NFYA: variants seen among roughly 807,000 people sequenced by gnomAD.
The protein encoded by NFYA is nuclear transcription factor Y subunit alpha, also known as CAAT-box DNA binding protein subunit A.
In NFYA, 28 loss-of-function variants were observed where a neutral mutation model predicts 52.8. The ratio of observed to expected loss-of-function variants is 0.53; its 90% CI spans 0.39 to 0.73. The LOEUF (loss-of-function observed/expected upper bound fraction) is 0.73. NFYA is among the 30% of genes least tolerant of loss of function. The pLI is 0.00. For synonymous variants in NFYA, 150 were observed against 150.7 expected (o/e 1.00, Z 0.03); for missense variants, 234 against 427.0 (o/e 0.55, Z 3.98).
At chr6:41,086,890 GA>G (rs1220826164) in intron 4 of NFYA, among the ~76,000 whole-genome samples, 1 of 152,062 alleles carries the variant, frequency 6.6e-6, no homozygotes, top group African/African-American at 2.4e-5. Context: ...TCTAAATGTA[GA>G]AAAGTAAACT....
At position 41,100,834 on chromosome 6, in the gene NFYA, C is replaced by A. The variant is rs532502894; in HGVS notation, c.*3424C>A. ...CAGACCGCCGCACCTCCAGCCCCTT[C>A]TCCCCGGGGAAGTAGGCCCCGCTAA... On this transcript the variant is annotated 3_prime_UTR_variant, in exon 10 of 10. Transcript: ENST00000341376. Among the ~76,000 whole-genome samples, 22 of 152,368 alleles carry A rather than the reference C, an allele frequency of 1.4e-4. No homozygotes were observed. The highest frequency in any genetic ancestry group is 4.3e-4 in the African/African-American group (18 of 41,596).
intron 1 of NFYA, among the ~76,000 whole-genome samples, chr6:41,073,731 C>T (rs975946521): frequency 6.6e-6 from 1 of 152,150 alleles, no homozygotes. Flanking sequence ...CCCCCGCTGT[C>T]TCCCTGGTGG....
intron 6 of NFYA, among the ~76,000 whole-genome samples, 159 bp downstream of exon 6, chr6:41,090,468 C>T (rs1172699404): frequency 1.3e-5 from 2 of 151,662 alleles, no homozygotes; most frequent in South Asian, 2.1e-4. Context: ...TTGTTGGTTT[C>T]TTGTCACCAT....
chr6:41,085,196 G>A (rs1312737686), intron 4 of NFYA, among the ~76,000 whole-genome samples: 2 of 152,206 alleles, frequency 1.3e-5, no homozygotes, highest in African/African-American at 4.8e-5. Context: ...GAATATTTGA[G>A]CTAGCAGTCC....
intron 7 of NFYA, 145 bp downstream of exon 7, chr6:41,091,839 T>A: frequency 1.1e-6 from 1 of 887,242 alleles, no homozygotes; most frequent in Non-Finnish European, 1.7e-6. Flanking sequence ...AATAACATTA[T>A]GACAAACCAT....
chr6:41,088,454 A>G (rs1253364579), intron 4 of NFYA, among the ~76,000 whole-genome samples: 1 of 148,954 alleles, frequency 6.7e-6, no homozygotes, highest in Non-Finnish European at 1.5e-5. Flanking sequence ...AATTTATTTT[A>G]TAGTTTCTGT....
rs374600583 is a variant in NFYA at position 41,090,186 on chromosome 6, A to G, written c.442-18A>G. On this transcript the variant is annotated intron_variant, in intron 5 of 9. Transcript: ENST00000341376. Reference sequence around the variant, plus strand: ...TCTTTGGGATCTGTTGAATTGTGTCATTACTTATTTCCTCCAGACACAGCA... The same window carrying G: ...TCTTTGGGATCTGTTGAATTGTGTCGTTACTTATTTCCTCCAGACACAGCA... The G allele has an allele frequency of 2.0e-6, 3 of 1,521,746 alleles. No homozygotes were observed. Among genetic ancestry groups the G allele is most frequent in the African/African-American group, 2.7e-5 (2 of 72,824 alleles). The allele number at this position is 1,521,746 out of a possible 1,614,324, so 94.3% of individuals were successfully genotyped here. A position where few individuals can be genotyped will look rare whatever the true frequency, so the allele number is the denominator to read the frequency against.
At chr6:41,089,251 A>C (rs1190839407) in intron 4 of NFYA, among the ~76,000 whole-genome samples, 2 of 152,164 alleles carry the variant, frequency 1.3e-5, no homozygotes, top group Admixed American at 6.5e-5. Flanking sequence ...TCCAAAGTGC[A>C]AGGATTACAG....
intron 1 of NFYA, among the ~76,000 whole-genome samples, chr6:41,078,338 CAGTT>C (rs879742257): frequency 2.6e-5 from 4 of 152,308 alleles, no homozygotes; most frequent in Admixed American, 6.5e-5. Context: ...ATGAGCAGCT[CAGTT>C]AGGTCACGTC....
chr6:41,084,768 G>A (rs1449367764), intron 4 of NFYA, among the ~76,000 whole-genome samples: 1 of 152,196 alleles, frequency 6.6e-6, no homozygotes, highest in South Asian at 2.1e-4. Flanking sequence ...TTCAAGACCA[G>A]CCTGGCCAAC....
At chr6:41,086,745 G>T (rs1451076089) in intron 4 of NFYA, among the ~76,000 whole-genome samples, 1 of 152,112 alleles carries the variant, frequency 6.6e-6, no homozygotes, top group Non-Finnish European at 1.5e-5. Context: ...ATAGATAGAA[G>T]AATATTGGAA....
chr6:41,082,131 G>C (rs1469463638), intron 3 of NFYA, among the ~76,000 whole-genome samples: 1 of 152,192 alleles, frequency 6.6e-6, no homozygotes, highest in Admixed American at 6.5e-5. Flanking sequence ...GTGCTGCTAA[G>C]CATCCAGCAG....
chr6:41,092,866 T>A, intron 7 of NFYA, 46 bp from the exon 8 acceptor site: 1 of 1,571,410 alleles, frequency 6.4e-7, no homozygotes, highest in Non-Finnish European at 8.6e-7. Flanking sequence ...TGTTTCTATG[T>A]CCATACTTCA....
In NFYA at chr6:41,094,502, G is replaced by A. The variant is rs752707864; in HGVS notation, c.990+5G>A. ...AAGGATAGTCCCCATATGCAGGTAGGAAGACATATACATTTTATTCTTCTC... is the reference window on the plus strand; with the variant it reads ...AAGGATAGTCCCCATATGCAGGTAGAAAGACATATACATTTTATTCTTCTC... On this transcript the variant is annotated splice_donor_5th_base_variant and intron_variant, in intron 9 of 9. Coordinates refer to ENST00000341376, the MANE Select transcript of NFYA (RefSeq NM_002505.5). The A allele has an allele frequency of 3.1e-6, 5 of 1,606,926 alleles. No individual in the cohort carries two copies. In the East Asian group the frequency reaches 1.1e-4, roughly 36 times the overall value.
intron 7 of NFYA, among the ~76,000 whole-genome samples, chr6:41,092,006 G>C (rs753946238): frequency 6.6e-6 from 1 of 152,174 alleles, no homozygotes; most frequent in Non-Finnish European, 1.5e-5. Context: ...GAAGTGGAAA[G>C]TAGTATTGCC....
chr6:41,083,952 A>G, intron 3 of NFYA, 94 bp from the exon 4 acceptor site: 1 of 1,239,400 alleles, frequency 8.1e-7, no homozygotes, highest in Non-Finnish European at 1.1e-6. Context: ...TTCCTTTTCT[A>G]GCAAGGCAGC....
At chr6:41,093,199 T>C (rs1764241602) in intron 8 of NFYA, 114 bp downstream of exon 8, 1 of 889,058 alleles carries the variant, frequency 1.1e-6, no homozygotes, top group South Asian at 2.1e-5. Flanking sequence ...TGACGTTAGA[T>C]ACTTGTTGTC....
chr6:41,089,596 T>G lies in NFYA; in HGVS notation c.327T>G (p.Pro109=). Residue 109 remains proline, a synonymous_variant, in exon 5 of 10, where the codon CCT becomes CCG. Transcript: ENST00000341376. ...TTCTGCAGATACAGTTGGTCCCACCTGGACAGATCCAGATCCAGGGTGGAC... is the reference window on the plus strand; with the variant it reads ...TTCTGCAGATACAGTTGGTCCCACCGGGACAGATCCAGATCCAGGGTGGAC... ...QGLQQIQLVP[P]GQIQIQGGQA... 6.2e-7 allele frequency: 1 copy of G among 1,612,468 alleles called. No homozygotes were observed. Among genetic ancestry groups the G allele is most frequent in the South Asian group, 1.1e-5 (1 of 90,978 alleles).
chr6:41,084,836 C>T (rs1485029511), intron 4 of NFYA, among the ~76,000 whole-genome samples: 3 of 152,138 alleles, frequency 2.0e-5, no homozygotes, highest in Non-Finnish European at 4.4e-5. Context: ...GTGGCACGCA[C>T]CTGTAATCCC....
Sources: gnomAD v4.1 joint callset for allele counts (sites outside exome capture counted in the v4.1 genomes callset) on GRCh38, gnomAD v4.1.1 for gene constraint, MANE v1.5 for transcripts, NCBI Gene and HGNC (gene_info 2026-07-23, HGNC 2026-07-21) for gene names.